The following CASK variants were observed in gnomAD, a reference collection of about 807,000 sequenced individuals.
CASK encodes the protein peripheral plasma membrane protein CASK.
In CASK, 4 loss-of-function variants were observed where a neutral mutation model predicts 82.9. That is an observed-to-expected ratio of 0.05 (90% confidence interval 0.02 to 0.11). The LOEUF is 0.11. Among genes scored for constraint, CASK ranks in the 10% least tolerant of loss-of-function variants. The pLI, the probability that CASK is intolerant of heterozygous loss-of-function variation, is 1.00. For synonymous variants in CASK, 259 were observed against 253.5 expected, an observed-to-expected ratio of 1.02 and a Z score of -0.20; for missense variants, 358 against 720.9, an observed-to-expected ratio of 0.50 and a Z score of 5.76.
chrX:41,655,373 G>A (rs948243849), intron 8 of CASK, among the ~76,000 whole-genome samples: 3 of 110,148 alleles, frequency 2.7e-5, no homozygotes, highest in Non-Finnish European at 5.7e-5. Context: ...CTAGGACTTT[G>A]CACTAGAGAA....
intron 2 of CASK, among the ~76,000 whole-genome samples, chrX:41,821,079 A>G (rs961196766): frequency 9.0e-6 from 1 of 111,556 alleles, no homozygotes; most frequent in Non-Finnish European, 1.9e-5. Context: ...AAAACTGTAA[A>G]CTGGACTTCA....
Position 41,612,880 on chromosome X carries a change from T to TGG in CASK, c.1034-2857_1034-2856dup, listed in dbSNP as rs1158128750. On this transcript the variant is annotated intron_variant, in intron 11 of 26. Coordinates refer to ENST00000378163, the MANE Select transcript of CASK (RefSeq NM_001367721.1). ...CCAGCCGCCCCGTCCGGGAGGGAGGTGGGGGGGTCAGCCCCCCGCCCGGCC... is the reference window on the plus strand; with the variant it reads ...CCAGCCGCCCCGTCCGGGAGGGAGGTGGGGGGGGGTCAGCCCCCCGCCCGGCC... Among the ~76,000 whole-genome samples, 21 of 45,472 alleles carry TGG rather than the reference T, an allele frequency of 4.6e-4. 1 individual carries two copies. The highest frequency in any genetic ancestry group is 1.7e-3 in the African/African-American group (19 of 11,132). The allele number at this position is 45,472 out of a possible 115,157, so 39.5% of individuals were successfully genotyped here.
At position 41,759,987 on chromosome X, in the gene CASK, C is replaced by T. The variant is rs184769673; in HGVS notation, c.279-14386G>A. Among the ~76,000 whole-genome samples, 16 of 111,520 alleles carry T rather than the reference C, an allele frequency of 1.4e-4. No individual in the cohort carries two copies. The East Asian group carries it at 2.8e-3, about 20-fold the overall frequency. On this transcript the variant is annotated intron_variant, in intron 3 of 26. Transcript: ENST00000378163. ...TTAAATGATCAAGAGCTCTTGACCCCTAATCAATGTTGTTTGACAATGGTG... is the reference window on the plus strand; with the variant it reads ...TTAAATGATCAAGAGCTCTTGACCCTTAATCAATGTTGTTTGACAATGGTG...
Position 41,609,884 on chromosome X carries a change from T to G in CASK, c.1155+20A>C, listed in dbSNP as rs781127664. 1 of 1,207,673 alleles carries G rather than the reference T, an allele frequency of 8.3e-7. No homozygotes were observed. Among genetic ancestry groups the G allele is most frequent in the Non-Finnish European group, 1.1e-6 (1 of 892,271 alleles). ...TATTCAATTCACCAAAAAAGAAGAA[T>G]AATAAAAAGACAGACTTACATCTAG... On this transcript the variant is annotated intron_variant, in intron 12 of 26. Transcript: ENST00000378163.
chrX:41,563,557 T>C (rs977283770), intron 16 of CASK, among the ~76,000 whole-genome samples: 32 of 108,430 alleles, frequency 3.0e-4, no homozygotes, highest in African/African-American at 1.0e-3. Flanking sequence ...TCTGGCAAGG[T>C]TGATCAAGAA....
chrX:41,836,491 A>C (rs1194047604), intron 2 of CASK, among the ~76,000 whole-genome samples: 1 of 107,257 alleles, frequency 9.3e-6, no homozygotes, highest in Non-Finnish European at 2.0e-5. Context: ...TAATAATACC[A>C]ATGCTCAAAA....
At chrX:41,750,128 G>T (rs1466492690) in intron 3 of CASK, among the ~76,000 whole-genome samples, 1 of 111,097 alleles carries the variant, frequency 9.0e-6, no homozygotes, top group African/African-American at 3.3e-5. Context: ...TATTATTAAA[G>T]CTATTTGATT....
In CASK at chrX:41,647,936, G is replaced by C. The variant is rs1186517144; in HGVS notation, c.832-11275C>G. ...ACTGCACAAATTGTACAGCATGTGT[G>C]TTTGAGCAACATGAAATGTAGGCAC... On this transcript the variant is annotated intron_variant, in intron 8 of 26. Coordinates refer to ENST00000378163, the MANE Select transcript of CASK (RefSeq NM_001367721.1). Among the ~76,000 whole-genome samples, 3 of 111,701 alleles carry C rather than the reference G, an allele frequency of 2.7e-5. No homozygotes were observed. In the Admixed American group the frequency reaches 2.9e-4, roughly 11 times the overall value.
chrX:41,651,336 A>G (rs2066861738), intron 8 of CASK, among the ~76,000 whole-genome samples: 1 of 112,272 alleles, frequency 8.9e-6, no homozygotes, highest in Non-Finnish European at 1.9e-5. Flanking sequence ...AATTACCTCT[A>G]AAGTGTTCAT....
At chrX:41,532,360 G>C (rs775487732) in intron 24 of CASK, among the ~76,000 whole-genome samples, 41 of 112,195 alleles carry the variant, frequency 3.7e-4, no homozygotes, top group African/African-American at 1.3e-3. Context: ...AGACTGTATG[G>C]CCTTAAAGCC....
intron 21 of CASK, among the ~76,000 whole-genome samples, chrX:41,544,146 A>G (rs1171976875): frequency 8.9e-6 from 1 of 112,593 alleles, no homozygotes; most frequent in Non-Finnish European, 1.9e-5. Flanking sequence ...TGTTGCAGAT[A>G]TCTTCTTCTA....
chrX:41,728,073 C>G (rs1430735618), intron 5 of CASK: 2 of 814,667 alleles, frequency 2.5e-6, no homozygotes, highest in African/African-American at 4.2e-5. Flanking sequence ...TTAAGAAAAG[C>G]ATTCATGTGA....
chrX:41,552,938 T>C (rs57657454), intron 21 of CASK, among the ~76,000 whole-genome samples: 4 of 112,084 alleles, frequency 3.6e-5, no homozygotes, highest in African/African-American at 3.2e-5. Context: ...GGATGCTTAA[T>C]GGCTGTTATT....
chrX:41,658,363 G>C (rs1305465038), intron 8 of CASK, among the ~76,000 whole-genome samples: 2 of 111,916 alleles, frequency 1.8e-5, no homozygotes, highest in Admixed American at 9.5e-5. Flanking sequence ...AGAGGTGAGG[G>C]TTGTGGGACT....
At chrX:41,807,707 G>A (rs899783615) in intron 2 of CASK, among the ~76,000 whole-genome samples, 1 of 110,994 alleles carries the variant, frequency 9.0e-6, no homozygotes, top group African/African-American at 3.3e-5. Context: ...GGGCAACCAA[G>A]CACAAGACAT....
At chrX:41,804,911 G>T (rs1164540081) in intron 2 of CASK, among the ~76,000 whole-genome samples, 1 of 111,572 alleles carries the variant, frequency 9.0e-6, no homozygotes, top group Non-Finnish European at 1.9e-5. Flanking sequence ...ATTACCTAAT[G>T]GTGGTAATAC....
intron 17 of CASK, among the ~76,000 whole-genome samples, chrX:41,560,366 T>A (rs1359829817): frequency 9.2e-6 from 1 of 109,269 alleles, no homozygotes; most frequent in Admixed American, 9.7e-5. Context: ...CAGGTTCCAG[T>A]GATTCTCCTG....
chrX:41,905,038 T>C (rs904266230), intron 1 of CASK, among the ~76,000 whole-genome samples: 12 of 112,119 alleles, frequency 1.1e-4, no homozygotes, highest in African/African-American at 3.6e-4. Flanking sequence ...TTATGAATAG[T>C]GCTGTGATGA....
At chrX:41,556,189 C>A (rs1379663347) in intron 19 of CASK, 1 of 111,501 alleles carries the variant, frequency 9.0e-6, no homozygotes, top group African/African-American at 3.3e-5. Context: ...ACAATTTTAC[C>A]TGATAAAAAA....
Sources: allele counts gnomAD v4.1 joint callset (sites outside exome capture counted in the v4.1 genomes callset), GRCh38; gene constraint gnomAD v4.1.1; transcripts MANE v1.5; gene names NCBI Gene and HGNC (gene_info 2026-07-23, HGNC 2026-07-21).